The following CEP128 variants were observed in gnomAD, a reference collection of about 807,000 sequenced individuals.
CEP128 encodes the protein centrosomal protein 128.
CEP128 carries 132 observed loss-of-function variants against 156.7 expected under a neutral mutation model. The observed-to-expected ratio is 0.84, with a 90% CI of 0.73 to 0.97. The LOEUF (loss-of-function observed/expected upper bound fraction) is 0.97. Ranked by LOEUF, CEP128 falls within the 50% of genes least tolerant of loss-of-function variation. The pLI, the probability that CEP128 is intolerant of heterozygous loss-of-function variation, is 0.00. For synonymous variants in CEP128, 469 were observed against 448.9 expected (o/e 1.04, Z -0.57); for missense variants, 1,252 against 1,281.9 (o/e 0.98, Z 0.36).
At chr14:80,947,284 C>T (rs1886368953) in intron 2 of CEP128, among the ~76,000 whole-genome samples, 1 of 152,108 alleles carries the variant, frequency 6.6e-6, no homozygotes, top group Admixed American at 6.6e-5. Context: ...TCCTTATCTC[C>T]ATTTCTGTCA....
chr14:80,788,971 T>C (rs1901563901), intron 14 of CEP128, among the ~76,000 whole-genome samples: 1 of 152,160 alleles, frequency 6.6e-6, no homozygotes. Context: ...AGTGATGGTC[T>C]TACATTAATT....
intron 23 of CEP128, among the ~76,000 whole-genome samples, chr14:80,515,258 T>C (rs886762669): frequency 1.3e-5 from 2 of 152,162 alleles, no homozygotes; most frequent in African/African-American, 4.8e-5. Context: ...AATCCAGCCA[T>C]GCTTGTGGCC....
Position 80,526,995 on chromosome 14 carries a change from A to AT in CEP128, c.2959-14_2959-13insA. On this transcript the variant is annotated splice_polypyrimidine_tract_variant and intron_variant, in intron 22 of 24. Coordinates refer to ENST00000555265, the MANE Select transcript of CEP128 (RefSeq NM_152446.5). ...AACTGCAGGAATCCTGGAAAAAAAA[A>AT]AAAGCAAAGGGTCTGAACTGGTAGA... is the stretch of plus-strand genomic sequence containing the variant. 7.1e-7 allele frequency: 1 copy of AT among 1,406,518 alleles called. No individual in the cohort carries two copies. Among genetic ancestry groups the AT allele is most frequent in the Non-Finnish European group, 1.0e-6 (1 of 1,004,968 alleles). 87.1% of individuals were successfully genotyped at this position (1,406,518 alleles called of 1,614,324 possible). A position where few individuals can be genotyped will look rare whatever the true frequency, so the allele number is the denominator to read the frequency against.
intron 18 of CEP128, among the ~76,000 whole-genome samples, chr14:80,750,195 T>C (rs1438463626): frequency 6.6e-6 from 1 of 152,148 alleles, no homozygotes; most frequent in Non-Finnish European, 1.5e-5. Context: ...TATGGAAATG[T>C]ATATGTTACT....
Position 80,905,942 on chromosome 14 carries a change from T to C in CEP128, c.361+13A>G. 6.2e-7 allele frequency: 1 copy of C among 1,606,294 alleles called. No individual in the cohort carries two copies. The highest frequency in any genetic ancestry group is 8.5e-7 in the Non-Finnish European group (1 of 1,177,916). ...ATATTTTTAATGTTTTTCAGAACATTTGAAGTGTTTACCTGACCCAGTGCC... is the reference window on the plus strand; with the variant it reads ...ATATTTTTAATGTTTTTCAGAACATCTGAAGTGTTTACCTGACCCAGTGCC... On this transcript the variant is annotated intron_variant, in intron 5 of 24. Coordinates refer to ENST00000555265, the MANE Select transcript of CEP128 (RefSeq NM_152446.5).
chr14:80,782,542 C>G (rs1416433943), intron 15 of CEP128, among the ~76,000 whole-genome samples: 1 of 152,178 alleles, frequency 6.6e-6, no homozygotes, highest in Non-Finnish European at 1.5e-5. Flanking sequence ...TCTTGGTGCA[C>G]TACTGTCCTA....
chr14:80,869,448 A>G (rs1887923358), intron 8 of CEP128, among the ~76,000 whole-genome samples: 1 of 152,052 alleles, frequency 6.6e-6, no homozygotes, highest in African/African-American at 2.4e-5. Flanking sequence ...GGGATGCAAA[A>G]AAGCAGTTCT....
At chr14:80,953,532 C>T (rs1594881502) in intron 2 of CEP128, among the ~76,000 whole-genome samples, 1 of 152,326 alleles carries the variant, frequency 6.6e-6, no homozygotes, top group African/African-American at 2.4e-5. Flanking sequence ...TTGCAGTGAG[C>T]CAAGATCGTG....
At chr14:80,602,436 T>G (rs1170627251) in intron 19 of CEP128, among the ~76,000 whole-genome samples, 1 of 152,150 alleles carries the variant, frequency 6.6e-6, no homozygotes, top group Non-Finnish European at 1.5e-5. Flanking sequence ...GCATACATTC[T>G]CCAAGACAAA....
intron 8 of CEP128, among the ~76,000 whole-genome samples, chr14:80,885,944 T>C (rs1487643210): frequency 6.6e-6 from 1 of 151,934 alleles, no homozygotes; most frequent in Non-Finnish European, 1.5e-5. Context: ...AATGACCTGG[T>C]GGAGCTGAAG....
At chr14:80,525,803 A>G (rs1357691925) in intron 23 of CEP128, among the ~76,000 whole-genome samples, 3 of 152,220 alleles carry the variant, frequency 2.0e-5, no homozygotes, top group Admixed American at 6.5e-5. Context: ...CATTTTAAGC[A>G]TGCTAAGAAG....
chr14:80,522,633 T>C (rs928803032), intron 23 of CEP128, among the ~76,000 whole-genome samples: 31 of 152,322 alleles, frequency 2.0e-4, no homozygotes, highest in Non-Finnish European at 3.8e-4. Flanking sequence ...ATATTTAGTA[T>C]GGGTAAAGGT....
chr14:80,909,828 A>C (rs1017474714), intron 4 of CEP128, among the ~76,000 whole-genome samples: 8 of 152,228 alleles, frequency 5.3e-5, no homozygotes, highest in Non-Finnish European at 1.2e-4. Flanking sequence ...ACAAAGTACG[A>C]AGTCATAAAA....
At chr14:80,533,677 G>A (rs1993008) in intron 21 of CEP128, among the ~76,000 whole-genome samples, 100,226 of 151,806 alleles carry the variant, frequency 0.66, 38,329 homozygotes, top group Non-Finnish European at 0.86. Flanking sequence ...GCCATCCCCC[G>A]CTGCCCCCAT....
chr14:80,857,768 C>CAAA (rs1251511836), intron 9 of CEP128, among the ~76,000 whole-genome samples: 13 of 145,278 alleles, frequency 8.9e-5, no homozygotes, highest in Admixed American at 8.9e-4. Context: ...ACAACAACAA[C>CAAA]AAAAAACATG....
chr14:80,742,070 T>C (rs1898860581), intron 19 of CEP128, among the ~76,000 whole-genome samples: 1 of 152,216 alleles, frequency 6.6e-6, no homozygotes, highest in Non-Finnish European at 1.5e-5. Flanking sequence ...TTATAAGTCC[T>C]CAACTTTAAC....
chr14:80,642,453 C>T (rs1378051205), intron 19 of CEP128, among the ~76,000 whole-genome samples: 10 of 152,116 alleles, frequency 6.6e-5, no homozygotes, highest in African/African-American at 2.4e-4. Flanking sequence ...GAGGCCAATG[C>T]AGGAAGACTG....
intron 20 of CEP128, among the ~76,000 whole-genome samples, chr14:80,572,699 CAACAAAAAAA>C (rs1368315466): frequency 9.9e-6 from 1 of 100,616 alleles, no homozygotes; most frequent in African/African-American, 4.3e-5. Context: ...GATTTGAAAA[CAACAAAAAAA>C]AACACAAGAA....
At chr14:80,803,366 A>G (rs1390166183) in intron 13 of CEP128, among the ~76,000 whole-genome samples, 2 of 151,830 alleles carry the variant, frequency 1.3e-5, no homozygotes, top group Non-Finnish European at 2.9e-5. Flanking sequence ...AAAAAAAAAA[A>G]AAATAGGTAG....
Sources: gnomAD v4.1 joint callset for allele counts (sites outside exome capture counted in the v4.1 genomes callset) on GRCh38, gnomAD v4.1.1 for gene constraint, MANE v1.5 for transcripts, NCBI Gene and HGNC (gene_info 2026-07-23, HGNC 2026-07-21) for gene names.